The following PAX3 variants were observed in gnomAD, a reference collection of about 807,000 sequenced individuals.
PAX3 encodes paired box protein Pax-3.
In PAX3, 14 loss-of-function variants were observed where a neutral mutation model predicts 51.6. The ratio of observed to expected loss-of-function variants is 0.27; its 90% CI spans 0.18 to 0.42. The LOEUF (loss-of-function observed/expected upper bound fraction) is 0.42, where lower values mean the gene tolerates loss of function less well. Among genes scored for constraint, PAX3 ranks in the 10% least tolerant of loss-of-function variants. PAX3 has a pLI of 1.00. For synonymous variants in PAX3, 280 were observed against 253.4 expected, an observed-to-expected ratio of 1.11 and a Z score of -1.00; for missense variants, 540 against 642.8, an observed-to-expected ratio of 0.84 and a Z score of 1.73.
At chr2:222,230,995 CT>C (rs1426686397) in intron 5 of PAX3, among the ~76,000 whole-genome samples, 1 of 151,920 alleles carries the variant, frequency 6.6e-6, no homozygotes, top group Non-Finnish European at 1.5e-5. Flanking sequence ...ATTGCAACTC[CT>C]TCAGAGAACT....
intron 7 of PAX3, among the ~76,000 whole-genome samples, chr2:222,217,800 A>G (rs1457814043): frequency 1.3e-5 from 2 of 152,194 alleles, no homozygotes; most frequent in African/African-American, 2.4e-5. Flanking sequence ...TTTTTAAGAA[A>G]GCCAGAGAAG....
chr2:222,270,050 C>G (rs1318992951), intron 4 of PAX3, among the ~76,000 whole-genome samples: 1 of 152,112 alleles, frequency 6.6e-6, no homozygotes, highest in Non-Finnish European at 1.5e-5. Flanking sequence ...CTGCATTGTC[C>G]CCTTGCAACA....
chr2:222,282,585 T>C (rs968977549), intron 4 of PAX3, among the ~76,000 whole-genome samples: 1 of 152,202 alleles, frequency 6.6e-6, no homozygotes, highest in Non-Finnish European at 1.5e-5. Context: ...TTTGGTGACC[T>C]TGGAGACAAT....
intron 4 of PAX3, among the ~76,000 whole-genome samples, chr2:222,279,536 G>C (rs1694561975): frequency 6.6e-6 from 1 of 152,178 alleles, no homozygotes; most frequent in Admixed American, 6.5e-5. Flanking sequence ...TTTCAAGTAT[G>C]CCTGTGAAAA....
chr2:222,205,928 T>C (rs1467469963), intron 7 of PAX3, among the ~76,000 whole-genome samples: 2 of 152,200 alleles, frequency 1.3e-5, no homozygotes, highest in Admixed American at 6.5e-5. Flanking sequence ...TTTGAACTTA[T>C]CCAATATGGT....
intron 7 of PAX3, among the ~76,000 whole-genome samples, chr2:222,210,455 A>G (rs1335473942): frequency 6.6e-6 from 1 of 152,176 alleles, no homozygotes; most frequent in Non-Finnish European, 1.5e-5. Flanking sequence ...GATGGACTGT[A>G]TATTTTCAAA....
In PAX3 at chr2:222,234,508, C is replaced by T. The variant is rs568112202; in HGVS notation, c.587-2225G>A. 1.6e-4 allele frequency among the ~76,000 whole-genome samples: 25 copies of T among 152,182 alleles called. No individual in the cohort carries two copies. The South Asian group carries it at 4.8e-3, about 29-fold the overall frequency. ...AAACTAAATGAGCAATAATTTGTGCCGAGTCATAGAACAGTGTTTCATAAG... is the reference window on the plus strand; with the variant it reads ...AAACTAAATGAGCAATAATTTGTGCTGAGTCATAGAACAGTGTTTCATAAG... On this transcript the variant is annotated intron_variant, in intron 4 of 8. Transcript: ENST00000392070.
At chr2:222,289,275 C>T (rs767992724) in intron 4 of PAX3, among the ~76,000 whole-genome samples, 4 of 152,170 alleles carry the variant, frequency 2.6e-5, no homozygotes, top group Non-Finnish European at 4.4e-5. Context: ...ACTGTTGCAG[C>T]TTTTCATTTT....
intron 4 of PAX3, among the ~76,000 whole-genome samples, chr2:222,280,557 A>G (rs1441380159): frequency 5.9e-5 from 9 of 152,124 alleles, no homozygotes; most frequent in Non-Finnish European, 4.4e-5. Context: ...CCTCCACAAG[A>G]GTTGTATTTC....
intron 4 of PAX3, among the ~76,000 whole-genome samples, chr2:222,258,052 G>C (rs1693713431): frequency 6.6e-6 from 1 of 152,216 alleles, no homozygotes; most frequent in Admixed American, 6.5e-5. Context: ...TTTCTAGAGT[G>C]CTTTCAAGTG....
chr2:222,219,907 A>G (rs1692116869), intron 7 of PAX3, among the ~76,000 whole-genome samples: 1 of 152,220 alleles, frequency 6.6e-6, no homozygotes, highest in African/African-American at 2.4e-5. Context: ...ATATGAACAC[A>G]AAGTCTCCAA....
chr2:222,257,458 C>G (rs749241706), intron 4 of PAX3, among the ~76,000 whole-genome samples: 10 of 152,098 alleles, frequency 6.6e-5, no homozygotes, highest in Non-Finnish European at 1.5e-4. Flanking sequence ...AGTGAATGCT[C>G]AAAAAATAAT....
At chr2:222,292,998 C>T (rs1276387912) in intron 4 of PAX3, among the ~76,000 whole-genome samples, 1 of 152,234 alleles carries the variant, frequency 6.6e-6, no homozygotes, top group Non-Finnish European at 1.5e-5. Flanking sequence ...AGGAGAGCCA[C>T]TGGCTGCCAC....
intron 4 of PAX3, among the ~76,000 whole-genome samples, chr2:222,259,995 A>G (rs988398751): frequency 1.3e-5 from 2 of 151,794 alleles, no homozygotes; most frequent in African/African-American, 4.8e-5. Flanking sequence ...GATCCTCCAG[A>G]GTAGCTGGGA....
At chr2:222,223,799 G>T (rs772858309) in intron 5 of PAX3, among the ~76,000 whole-genome samples, 3 of 152,124 alleles carry the variant, frequency 2.0e-5, no homozygotes, top group Admixed American at 1.3e-4. Context: ...AGTTCCACTG[G>T]TGAAACCCTT....
At chr2:222,275,463 C>G (rs890670979) in intron 4 of PAX3, among the ~76,000 whole-genome samples, 33 of 150,898 alleles carry the variant, frequency 2.2e-4, no homozygotes, top group Non-Finnish European at 1.0e-4. Context: ...ACCACATTTT[C>G]AAAGTGCATT....
intron 4 of PAX3, among the ~76,000 whole-genome samples, chr2:222,286,161 C>T (rs1694827370): frequency 6.6e-6 from 1 of 152,234 alleles, no homozygotes; most frequent in Admixed American, 6.5e-5. Flanking sequence ...TGGTCTCAAA[C>T]TCCTAACCTC....
At chr2:222,277,439 G>A (rs916213577) in intron 4 of PAX3, among the ~76,000 whole-genome samples, 2 of 152,114 alleles carry the variant, frequency 1.3e-5, no homozygotes, top group African/African-American at 2.4e-5. Flanking sequence ...CTGGGGAGAC[G>A]TGGACCGTTT....
At position 222,297,089 on chromosome 2, in the gene PAX3, G is replaced by A. The variant is rs1356246522; in HGVS notation, c.210C>T (p.Cys70=). ...ACACGCGCAGCTGGCGCGAGATGAC[G>A]CAGGGCCGGATGCCGTGGTGGGCCA... is the stretch of plus-strand genomic sequence containing the variant. The part of the protein sequence containing the change: ...VEMAHHGIRP[C]VISRQLRVSH... The change falls in exon 2 of 9, where the codon TGC becomes TGT. Residue 70 remains cysteine (C), a synonymous_variant. Coordinates refer to ENST00000392070, the MANE Select transcript of PAX3 (RefSeq NM_181458.4). 1 of 1,614,122 alleles carries A rather than the reference G, an allele frequency of 6.2e-7. No individual in the cohort carries two copies. Among genetic ancestry groups the A allele is most frequent in the South Asian group, 1.1e-5 (1 of 91,082 alleles).
Sources: gnomAD v4.1 joint callset for allele counts (sites outside exome capture counted in the v4.1 genomes callset) on GRCh38, gnomAD v4.1.1 for gene constraint, MANE v1.5 for transcripts, NCBI Gene and HGNC (gene_info 2026-07-23, HGNC 2026-07-21) for gene names.